ARCN1: variants seen among roughly 807,000 people sequenced by gnomAD.
The protein encoded by ARCN1 is coatomer subunit delta.
In ARCN1, 5 loss-of-function variants were observed where a neutral mutation model predicts 60.4. The ratio of observed to expected loss-of-function variants is 0.08; its 90% CI spans 0.04 to 0.17. The LOEUF is 0.17. ARCN1 is among the 10% of genes least tolerant of loss of function. The pLI is 1.00. For synonymous variants in ARCN1, 224 were observed against 220.0 expected, an observed-to-expected ratio of 1.02 and a Z score of -0.16; for missense variants, 464 against 626.5, an observed-to-expected ratio of 0.74 and a Z score of 2.77.
intron 2 of ARCN1, 105 bp downstream of exon 2, chr11:118,581,614 A>G: frequency 8.3e-7 from 1 of 1,211,766 alleles, no homozygotes; most frequent in Non-Finnish European, 1.1e-6. Context: ...GCAGGTTCCT[A>G]CTCCGCACCC....
chr11:118,585,857 A>G (rs572529012), intron 5 of ARCN1, among the ~76,000 whole-genome samples: 172 of 152,188 alleles, frequency 1.1e-3, no homozygotes, highest in Middle Eastern at 3.4e-3. Flanking sequence ...CAGTTTAAAT[A>G]TTTGAAGCCA....
In ARCN1 at chr11:118,581,308, G is replaced by A. The variant is rs782271411; in HGVS notation, c.66G>A (p.Val22=). The change falls in exon 2 of 10, where the codon GTG becomes GTA. Residue 22 remains valine (V), a synonymous_variant. Coordinates refer to ENST00000264028, the MANE Select transcript of ARCN1 (RefSeq NM_001655.5). ...AGKAIVSRQF[V]EMTRTRIEGL... is the part of the protein sequence containing the mutation. ...AGGCTATTGTTTCTCGACAGTTTGT[G>A]GAAATGACCCGAACTCGGATTGAGG... 6 of 1,614,192 alleles carry A rather than the reference G, an allele frequency of 3.7e-6. No homozygotes were observed. The highest frequency in any genetic ancestry group is 4.2e-6 in the Non-Finnish European group (5 of 1,180,048).
At chr11:118,577,290 A>G (rs548157505) in intron 1 of ARCN1, among the ~76,000 whole-genome samples, 1 of 151,528 alleles carries the variant, frequency 6.6e-6, no homozygotes, top group South Asian at 2.1e-4. Flanking sequence ...TTTGTAGCCC[A>G]GGCTGGAGTG....
intron 5 of ARCN1, among the ~76,000 whole-genome samples, chr11:118,587,593 A>G (rs1938807014): frequency 6.6e-6 from 1 of 152,218 alleles, no homozygotes; most frequent in South Asian, 2.1e-4. Context: ...TTCTCATTCA[A>G]CAGCAACAAT....
chr11:118,574,034 A>G (rs1400400006), intron 1 of ARCN1, among the ~76,000 whole-genome samples: 1 of 152,194 alleles, frequency 6.6e-6, no homozygotes, highest in Non-Finnish European at 1.5e-5. Flanking sequence ...CTTTGTTAAA[A>G]GGTTCTTGGA....
At chr11:118,593,538 C>A in intron 7 of ARCN1, 52 bp from the exon 8 acceptor site, 1 of 1,338,106 alleles carries the variant, frequency 7.5e-7, no homozygotes, top group Non-Finnish European at 1.1e-6. Context: ...AGCCACTGCA[C>A]CCAGCCATCT....
intron 5 of ARCN1, among the ~76,000 whole-genome samples, chr11:118,586,793 A>G (rs1555075548): frequency 6.7e-6 from 1 of 150,112 alleles, no homozygotes; most frequent in African/African-American, 2.5e-5. Flanking sequence ...CAGAGGTTGC[A>G]GTGAGCCAAG....
At chr11:118,577,273 G>A (rs1938538994) in intron 1 of ARCN1, among the ~76,000 whole-genome samples, 1 of 151,090 alleles carries the variant, frequency 6.6e-6, no homozygotes. Flanking sequence ...TTGAGGCAGA[G>A]TCTCACTTTG....
In ARCN1 at chr11:118,592,831, A is replaced by G. The variant is rs551779919; in HGVS notation, c.1107A>G (p.Thr369=). Residue 369 remains threonine, a synonymous_variant, in exon 7 of 10, where the codon ACA becomes ACG. Transcript: ENST00000264028. ...VGVLKWRLQT[T]EESFIPLTIN... ...TGCTAAAGTGGAGACTACAAACCAC[A>G]GAGGAATCTTTTATTCCACTGACAA... 3.7e-6 allele frequency: 6 copies of G among 1,614,118 alleles called. No homozygotes were observed. In the South Asian group the frequency reaches 4.4e-5, roughly 12 times the overall value.
At chr11:118,597,211 AC>A (rs1939045278) in intron 8 of ARCN1, among the ~76,000 whole-genome samples, 1 of 152,224 alleles carries the variant, frequency 6.6e-6, no homozygotes, top group South Asian at 2.1e-4. Flanking sequence ...GTCTCAAAAA[AC>A]AAATGAACAA....
chr11:118,588,445 A>G (rs1938823234), intron 5 of ARCN1, among the ~76,000 whole-genome samples: 1 of 152,214 alleles, frequency 6.6e-6, no homozygotes, highest in Non-Finnish European at 1.5e-5. Flanking sequence ...GGAACCATGG[A>G]TGAAAACCGG....
intron 2 of ARCN1, 35 bp from the exon 3 acceptor site, chr11:118,583,144 C>T (rs1938698019): frequency 1.1e-5 from 17 of 1,606,608 alleles, no homozygotes; most frequent in Non-Finnish European, 1.4e-5. Flanking sequence ...CTGATAAATT[C>T]TAAATCTTTC....
At chr11:118,581,215 T>C in intron 1 of ARCN1, 31 bp from the exon 2 acceptor site, 1 of 1,608,890 alleles carries the variant, frequency 6.2e-7, no homozygotes, top group Non-Finnish European at 8.5e-7. Flanking sequence ...AAGAAATAAT[T>C]AGTACTTACT....
Position 118,583,305 on chromosome 11 carries a change from A to G in ARCN1, c.394A>G (p.Thr132Ala). Reference sequence around the variant, plus strand: ...GAATGTTAACTTGGCACAGATCAGAACCTTCACAGAAATGGATTCTCATGA... The same window carrying G: ...GAATGTTAACTTGGCACAGATCAGAGCCTTCACAGAAATGGATTCTCATGA... ...RENVNLAQIR[T>A]FTEMDSHEEK... Residue 132 changes from threonine (T) to alanine (A), a missense_variant, in exon 3 of 10, where the codon ACC (threonine) becomes GCC (alanine). Thr to Ala is a moderately conservative substitution (Grantham distance 58). This residue lies in a region of ARCN1 where 105 missense variants were observed against 186.3 expected (regional missense o/e 0.56). Coordinates refer to ENST00000264028, the MANE Select transcript of ARCN1 (RefSeq NM_001655.5). 6.2e-7 allele frequency: 1 copy of G among 1,614,170 alleles called. No individual in the cohort carries two copies. Among genetic ancestry groups the G allele is most frequent in the South Asian group, 1.1e-5 (1 of 91,080 alleles).
At chr11:118,594,346 C>T (rs958027656) in intron 8 of ARCN1, among the ~76,000 whole-genome samples, 1 of 152,156 alleles carries the variant, frequency 6.6e-6, no homozygotes, top group African/African-American at 2.4e-5. Flanking sequence ...GTGATCTGCC[C>T]GCCTCGGCCT....
At chr11:118,572,665 G>C in intron 1 of ARCN1, 115 bp downstream of exon 1, 5 of 1,384,750 alleles carry the variant, frequency 3.6e-6, no homozygotes, top group Non-Finnish European at 5.0e-6. Flanking sequence ...AGGGCAGAGT[G>C]CTTTTGCTCC....
intron 1 of ARCN1, chr11:118,573,843 T>C: frequency 2.0e-6 from 1 of 503,506 alleles, no homozygotes; most frequent in Non-Finnish European, 3.6e-6. Context: ...ACACAAAATT[T>C]CCAGAAACTT....
rs983238907 is a variant in ARCN1 at position 118,579,803 on chromosome 11, C to T, written c.4-1443C>T. 5.3e-5 allele frequency among the ~76,000 whole-genome samples: 8 copies of T among 151,406 alleles called. 1 individual carries two copies. The East Asian group carries it at 1.5e-3, about 29-fold the overall frequency. ...TTAATTTAGAAATAATTACTTTTTT[C>T]CATTTTCATATTAATAAAACAATTT... On this transcript the variant is annotated intron_variant, in intron 1 of 9. Transcript: ENST00000264028.
chr11:118,599,095 A>T lies in ARCN1; in HGVS notation c.1446+1184A>T, dbSNP rs570195437. ...AGGCGTGAACTACCACGCCTGGCGG[A>T]TTTTTTTTTTTTTTAAGACGGAGTT... On this transcript the variant is annotated intron_variant, in intron 9 of 9. Transcript: ENST00000264028. Among the ~76,000 whole-genome samples, 925 of 117,356 alleles carry T rather than the reference A, an allele frequency of 7.9e-3. 13 individuals are homozygous for T. The highest frequency in any genetic ancestry group is 0.028 in the African/African-American group (869 of 31,052). 77.0% of individuals were successfully genotyped at this position (117,356 alleles called of 152,430 possible). A position where few individuals can be genotyped will look rare whatever the true frequency, so the allele number is the denominator to read the frequency against.
Sources: gnomAD v4.1 joint callset for allele counts (sites outside exome capture counted in the v4.1 genomes callset) on GRCh38, gnomAD v4.1.1 for gene constraint, gnomAD v4.1.1 regional missense constraint, MANE v1.5 for transcripts, NCBI Gene and HGNC (gene_info 2026-07-23, HGNC 2026-07-21) for gene names.